The following WDR44 variants were observed in gnomAD, a reference collection of about 807,000 sequenced individuals.
WDR44 encodes the protein WD repeat-containing protein 44.
Under a neutral mutation model 65.7 loss-of-function variants are expected in WDR44, and 9 were observed. That is an observed-to-expected ratio of 0.14 (90% CI 0.08 to 0.24). WDR44 has a LOEUF of 0.24. WDR44 is among the 10% of genes least tolerant of loss of function. WDR44 has a pLI of 1.00. For missense variants in WDR44, 425 were observed against 670.9 expected (o/e 0.63, Z 4.05); for synonymous variants, 220 against 235.2 (o/e 0.94, Z 0.59).
chrX:118,384,692 T>A (rs1208223461), intron 2 of WDR44, among the ~76,000 whole-genome samples: 2 of 111,982 alleles, frequency 1.8e-5, no homozygotes, highest in Non-Finnish European at 3.8e-5. Flanking sequence ...AATTTTAAAA[T>A]AAAATTTCCT....
At chrX:118,431,936 A>G (rs928336336) in intron 12 of WDR44, among the ~76,000 whole-genome samples, 6 of 111,144 alleles carry the variant, frequency 5.4e-5, no homozygotes, top group African/African-American at 1.3e-4. Flanking sequence ...TAATTTCTTC[A>G]TCTTTATACT....
intron 2 of WDR44, among the ~76,000 whole-genome samples, chrX:118,385,877 C>T (rs778915332): frequency 7.2e-5 from 8 of 110,622 alleles, no homozygotes; most frequent in Non-Finnish European, 1.1e-4. Flanking sequence ...GAGGCTATGT[C>T]ATGTTTAGGC....
chrX:118,389,723 A>AAC (rs2056802266), intron 3 of WDR44, among the ~76,000 whole-genome samples: 1 of 105,756 alleles, frequency 9.5e-6, no homozygotes, highest in Non-Finnish European at 1.9e-5. Context: ...CCTCTCAAAA[A>AAC]AAAAAAAAAA....
chrX:118,368,682 T>C (rs1386016195), intron 1 of WDR44, among the ~76,000 whole-genome samples: 1 of 95,650 alleles, frequency 1.0e-5, no homozygotes, highest in Non-Finnish European at 2.0e-5. Context: ...ATGCCACTAA[T>C]CATATGAAGT....
At chrX:118,360,998 T>C (rs1370268797) in intron 1 of WDR44, among the ~76,000 whole-genome samples, 1 of 109,946 alleles carries the variant, frequency 9.1e-6, no homozygotes, top group Admixed American at 9.7e-5. Context: ...GCCAACCACC[T>C]TTTTTTTTCC....
chrX:118,445,954 A>G (rs1157318514), intron 19 of WDR44, among the ~76,000 whole-genome samples: 2 of 101,708 alleles, frequency 2.0e-5, no homozygotes, highest in Non-Finnish European at 4.0e-5. Flanking sequence ...CGCTTGAACC[A>G]GGGAGGTGGA....
chrX:118,377,834 C>T (rs1024952752), intron 1 of WDR44, among the ~76,000 whole-genome samples: 2 of 106,931 alleles, frequency 1.9e-5, no homozygotes, highest in African/African-American at 6.9e-5. Context: ...CTAAAGCAAT[C>T]CTTGTGCCTC....
Position 118,436,647 on chromosome X carries a change from A to T in WDR44, c.1852-55A>T, listed in dbSNP as rs1017241612. 1.4e-5 allele frequency: 16 copies of T among 1,155,334 alleles called. No individual in the cohort carries two copies. The African/African-American group carries it at 2.9e-4, about 21-fold the overall frequency. ...AACCAAAAGTTCACTTTTATTGTAT[A>T]AATAGGGTTCTTTTTCATATAGTGA... On this transcript the variant is annotated intron_variant, in intron 13 of 19. Coordinates refer to ENST00000254029, the MANE Select transcript of WDR44 (RefSeq NM_019045.5).
chrX:118,439,831 G>T (rs774751078), intron 14 of WDR44, among the ~76,000 whole-genome samples: 120 of 107,379 alleles, frequency 1.1e-3, no homozygotes, highest in Middle Eastern at 4.7e-3. Flanking sequence ...AGAAGAAGAA[G>T]AATCTTGGCT....
intron 2 of WDR44, among the ~76,000 whole-genome samples, chrX:118,381,561 CTTTCG>C (rs1391259538): frequency 4.1e-5 from 4 of 97,478 alleles, no homozygotes; most frequent in African/African-American, 1.6e-4. Flanking sequence ...CTTTTCTTTT[CTTTCG>C]TTCTTTCTTC....
intron 14 of WDR44, among the ~76,000 whole-genome samples, chrX:118,439,092 A>T (rs1222574190): frequency 9.2e-6 from 1 of 108,924 alleles, no homozygotes; most frequent in Non-Finnish European, 1.9e-5. Flanking sequence ...GGCCCAGCCA[A>T]TGATTTTTTA....
At position 118,387,386 on chromosome X, in the gene WDR44, A is replaced by G. The variant is rs1264369850; in HGVS notation, c.158A>G (p.Gln53Arg). The G allele has an allele frequency of 8.4e-7, 1 of 1,197,587 alleles. No homozygotes were observed. The highest frequency in any genetic ancestry group is 3.0e-5 in the East Asian group (1 of 33,449). Residue 53 changes from glutamine (Q) to arginine (R), a missense_variant, in exon 3 of 20, where the codon CAA becomes CGA. Coordinates refer to ENST00000254029, the MANE Select transcript of WDR44 (RefSeq NM_019045.5). Reference protein sequence around the residue: ...AYKVGNESPVQELKQDVSKKI... With the variant: ...AYKVGNESPVRELKQDVSKKI... ...AAAGTTGGAAATGAGTCCCCTGTAC[A>G]AGAATTGAAACAAGATGTGTCTAAA...
intron 12 of WDR44, among the ~76,000 whole-genome samples, chrX:118,422,722 A>G (rs1427489664): frequency 9.0e-6 from 1 of 111,256 alleles, no homozygotes; most frequent in Non-Finnish European, 1.9e-5. Context: ...TTCTGAGAGT[A>G]TATCATTAGA....
At chrX:118,387,860 A>G (rs145249081) in intron 3 of WDR44, among the ~76,000 whole-genome samples, 8 of 112,031 alleles carry the variant, frequency 7.1e-5, no homozygotes, top group African/African-American at 2.6e-4. Flanking sequence ...GAGACTGAGC[A>G]CAAGATCAGT....
chrX:118,395,923 G>T (rs2056861606), intron 6 of WDR44, among the ~76,000 whole-genome samples: 1 of 110,683 alleles, frequency 9.0e-6, no homozygotes, highest in Non-Finnish European at 1.9e-5. Flanking sequence ...CCCAGAGGCT[G>T]AGGCAGGAGA....
intron 1 of WDR44, among the ~76,000 whole-genome samples, chrX:118,366,293 AT>A (rs1278494303): frequency 9.0e-6 from 1 of 111,452 alleles, no homozygotes; most frequent in East Asian, 2.8e-4. Flanking sequence ...TGTCTCCGGT[AT>A]TTTTTTTAAA....
At chrX:118,352,334 A>T (rs867615029) in intron 1 of WDR44, among the ~76,000 whole-genome samples, 1 of 16,466 alleles carries the variant, frequency 6.1e-5, no homozygotes, top group African/African-American at 5.5e-4. Flanking sequence ...ATATATATAT[A>T]TATATATATA....
chrX:118,426,230 A>G (rs1207751831), intron 12 of WDR44, among the ~76,000 whole-genome samples: 3 of 111,910 alleles, frequency 2.7e-5, no homozygotes, highest in South Asian at 7.4e-4. Context: ...TAAAATTATT[A>G]GTGTCTAGAT....
In WDR44 at chrX:118,432,771, A is replaced by G. The variant is rs2057222853; in HGVS notation, c.1738-10A>G. 8.4e-7 allele frequency: 1 copy of G among 1,191,208 alleles called. No homozygotes were observed. ...TTGCAGTTTCAAAGTTTATCTTTAT[A>G]TCCAAATAGGTATGCAGTGGAACTG... On this transcript the variant is annotated splice_polypyrimidine_tract_variant and intron_variant, in intron 12 of 19. Coordinates refer to ENST00000254029, the MANE Select transcript of WDR44 (RefSeq NM_019045.5).
Sources: allele counts gnomAD v4.1 joint callset (sites outside exome capture counted in the v4.1 genomes callset), GRCh38; gene constraint gnomAD v4.1.1; transcripts MANE v1.5; gene names NCBI Gene and HGNC (gene_info 2026-07-23, HGNC 2026-07-21).